Variants in LSAMP observed in about 807,000 individuals in gnomAD.
The protein encoded by LSAMP is limbic system associated membrane protein, also known as limbic system-associated membrane protein.
In LSAMP, 7 loss-of-function variants were observed where a neutral mutation model predicts 38.6. The observed-to-expected ratio is 0.18, with a 90% CI of 0.10 to 0.34. LSAMP has a LOEUF of 0.34. LSAMP is among the 10% of genes least tolerant of loss of function. The pLI, the probability that LSAMP is intolerant of heterozygous loss-of-function variation, is 1.00. For missense variants in LSAMP, 313 were observed against 420.0 expected, an observed-to-expected ratio of 0.75 and a Z score of 2.23; for synonymous variants, 154 against 166.8, an observed-to-expected ratio of 0.92 and a Z score of 0.59.
chr3:116,355,474 C>T, intron 1 of LSAMP, among the ~76,000 whole-genome samples: 1 of 152,128 alleles, frequency 6.6e-6, no homozygotes, highest in Non-Finnish European at 1.5e-5. Context: ...AGACCTGAAA[C>T]TATGAAATTA....
At chr3:116,114,950 A>G (rs1708709362) in intron 1 of LSAMP, among the ~76,000 whole-genome samples, 1 of 152,246 alleles carries the variant, frequency 6.6e-6, no homozygotes, top group Non-Finnish European at 1.5e-5. Flanking sequence ...CTTAGAATCT[A>G]GAATAATTTG....
At chr3:116,246,089 C>T (rs142522170) in intron 1 of LSAMP, among the ~76,000 whole-genome samples, 4 of 152,242 alleles carry the variant, frequency 2.6e-5, no homozygotes, top group Admixed American at 6.5e-5. Flanking sequence ...CAAATAGGTC[C>T]GACCTGCTTA....
chr3:116,165,555 T>C (rs551349135), intron 1 of LSAMP, among the ~76,000 whole-genome samples: 260 of 151,282 alleles, frequency 1.7e-3, no homozygotes, highest in Middle Eastern at 3.4e-3. Flanking sequence ...CAAACACACA[T>C]ACACACACAC....
At chr3:116,305,041 T>A (rs2047464054) in intron 1 of LSAMP, among the ~76,000 whole-genome samples, 1 of 152,154 alleles carries the variant, frequency 6.6e-6, no homozygotes, top group Admixed American at 6.6e-5. Context: ...AGATATCCAG[T>A]GCTACTTATA....
At chr3:116,272,656 C>G (rs2046989556) in intron 1 of LSAMP, among the ~76,000 whole-genome samples, 1 of 152,050 alleles carries the variant, frequency 6.6e-6, no homozygotes, top group Admixed American at 6.6e-5. Context: ...TATTTAAAGA[C>G]AGTAGGAATA....
At chr3:116,237,955 G>A (rs1014118024) in intron 1 of LSAMP, among the ~76,000 whole-genome samples, 31 of 152,058 alleles carry the variant, frequency 2.0e-4, no homozygotes, top group Admixed American at 1.2e-3. Flanking sequence ...TCTTTATTGC[G>A]AAGGACAGTC....
chr3:115,936,560 G>T (rs1233710749), intron 3 of LSAMP, among the ~76,000 whole-genome samples: 1 of 152,064 alleles, frequency 6.6e-6, no homozygotes, highest in African/African-American at 2.4e-5. Context: ...GGACCTTTCA[G>T]GGAGGTGACA....
rs184319274 is a variant in LSAMP, at chr3:115,843,803, C to T, written c.650-1225G>A. Among the ~76,000 whole-genome samples the T allele has an allele frequency of 3.2e-4, 49 of 152,230 alleles. No homozygotes were observed. The East Asian group carries it at 8.5e-3, about 26-fold the overall frequency. On this transcript the variant is annotated intron_variant, in intron 4 of 6. Transcript: ENST00000490035. ...ATCTGATTTGTCTGCAATTTCCTTCCTGATTTTATCTTCCCATAAGCTTAG... is the reference window on the plus strand; with the variant it reads ...ATCTGATTTGTCTGCAATTTCCTTCTTGATTTTATCTTCCCATAAGCTTAG...
intron 1 of LSAMP, among the ~76,000 whole-genome samples, chr3:116,318,934 G>T (rs1367772): frequency 0.55 from 82,380 of 150,648 alleles, 25,274 homozygotes; most frequent in East Asian, 0.8. Flanking sequence ...AGTAGAGAAT[G>T]AAAAAAATAA....
At chr3:116,415,443 A>C (rs552924149) in intron 1 of LSAMP, among the ~76,000 whole-genome samples, 1 of 152,278 alleles carries the variant, frequency 6.6e-6, no homozygotes, top group East Asian at 1.9e-4. Context: ...TAAATCTGCT[A>C]TGATACAGAT....
chr3:116,056,128 G>A (rs528473350), intron 2 of LSAMP, among the ~76,000 whole-genome samples: 5 of 152,200 alleles, frequency 3.3e-5, no homozygotes, highest in East Asian at 1.9e-4. Context: ...ATTTATTCAT[G>A]TATTATTTAT....
At chr3:116,174,707 TTCCTCTCTACATAGCTAAG>T (rs1266697746) in intron 1 of LSAMP, among the ~76,000 whole-genome samples, 1 of 152,036 alleles carries the variant, frequency 6.6e-6, no homozygotes, top group Non-Finnish European at 1.5e-5. Context: ...CGCTGTGCTC[TTCCTCTCTACATAGCTAAG>T]TCCATCTCAC....
intron 1 of LSAMP, among the ~76,000 whole-genome samples, chr3:116,198,570 C>T (rs2045942020): frequency 6.6e-6 from 1 of 150,838 alleles, no homozygotes; most frequent in Middle Eastern, 3.6e-3. Context: ...GAGATCGAGA[C>T]CATCCCGGCT....
chr3:116,441,344 C>T (rs2049432193), intron 1 of LSAMP, among the ~76,000 whole-genome samples: 1 of 152,116 alleles, frequency 6.6e-6, no homozygotes, highest in African/African-American at 2.4e-5. Context: ...GTTTTATATC[C>T]AGATACGCAT....
intron 3 of LSAMP, among the ~76,000 whole-genome samples, chr3:115,973,496 GCTGAGGCGGGTGGATCAC>G (rs1939082764): frequency 6.6e-6 from 1 of 152,138 alleles, no homozygotes; most frequent in Non-Finnish European, 1.5e-5. Context: ...ACTTTGGGAG[GCTGAGGCGGGTGGATCAC>G]CTGAGGTCAG....
At chr3:115,829,425 T>A (rs533876585) in intron 6 of LSAMP, among the ~76,000 whole-genome samples, 2 of 152,230 alleles carry the variant, frequency 1.3e-5, no homozygotes. Flanking sequence ...TCATGTGTAT[T>A]AATCAGAGCC....
At chr3:116,221,734 T>C (rs1350904469) in intron 1 of LSAMP, among the ~76,000 whole-genome samples, 1 of 152,148 alleles carries the variant, frequency 6.6e-6, no homozygotes, top group Non-Finnish European at 1.5e-5. Context: ...GTCTCACTAC[T>C]TCCATCCTCA....
At chr3:116,143,122 T>C (rs1254200759) in intron 1 of LSAMP, among the ~76,000 whole-genome samples, 3 of 151,526 alleles carry the variant, frequency 2.0e-5, no homozygotes, top group Non-Finnish European at 4.4e-5. Context: ...ATAGCATTCG[T>C]ATTCCCTCCA....
intron 3 of LSAMP, among the ~76,000 whole-genome samples, chr3:115,886,712 TA>T (rs1936463611): frequency 6.6e-6 from 1 of 151,972 alleles, no homozygotes; most frequent in Non-Finnish European, 1.5e-5. Context: ...GCCAGCTCAA[TA>T]GGCTAAAGCT....
Sources: gnomAD v4.1 joint callset for allele counts (sites outside exome capture counted in the v4.1 genomes callset) on GRCh38, gnomAD v4.1.1 for gene constraint, MANE v1.5 for transcripts, NCBI Gene and HGNC (gene_info 2026-07-23, HGNC 2026-07-21) for gene names.